FSTL5: variants seen among roughly 807,000 people sequenced by gnomAD.
FSTL5 encodes follistatin-related protein 5.
A neutral mutation model predicts 89.1 loss-of-function variants in FSTL5; 62 were observed. That is an observed-to-expected ratio of 0.70 (90% CI 0.57 to 0.86). The LOEUF (loss-of-function observed/expected upper bound fraction) is 0.86, where lower values mean the gene tolerates loss of function less well. Among genes scored for constraint, FSTL5 ranks in the 40% least tolerant of loss-of-function variants. FSTL5 has a pLI of 0.00. For missense variants in FSTL5, 1,057 were observed against 1,001.6 expected, an observed-to-expected ratio of 1.06 and a Z score of -0.75; for synonymous variants, 383 against 346.2, an observed-to-expected ratio of 1.11 and a Z score of -1.18.
chr4:161,675,552 T>A (rs993653357), intron 6 of FSTL5, among the ~76,000 whole-genome samples: 3 of 130,174 alleles, frequency 2.3e-5, no homozygotes, highest in African/African-American at 8.3e-5. Context: ...TCAGTAATTT[T>A]AAAAAACAGA....
intron 7 of FSTL5, among the ~76,000 whole-genome samples, chr4:161,621,109 A>G (rs187305432): frequency 1.3e-5 from 2 of 152,308 alleles, no homozygotes; most frequent in African/African-American, 2.4e-5. Flanking sequence ...GACATTCACA[A>G]GATGTACCGT....
At chr4:161,621,287 C>T (rs1735112604) in intron 7 of FSTL5, among the ~76,000 whole-genome samples, 1 of 151,630 alleles carries the variant, frequency 6.6e-6, no homozygotes, top group Non-Finnish European at 1.5e-5. Flanking sequence ...CACACACACA[C>T]ACACACACAC....
At chr4:161,992,946 G>A (rs564353385) in intron 3 of FSTL5, among the ~76,000 whole-genome samples, 1,508 of 6,216 alleles carry the variant, frequency 0.24, 53 homozygotes, top group Non-Finnish European at 0.43. Context: ...ATATATGTGT[G>A]TATATCTATA....
intron 6 of FSTL5, among the ~76,000 whole-genome samples, chr4:161,707,308 G>C (rs967447497): frequency 1.3e-5 from 2 of 151,700 alleles, no homozygotes; most frequent in African/African-American, 4.8e-5. Flanking sequence ...TCCTATTATA[G>C]AAACAAGATA....
At chr4:161,902,107 T>C (rs544441235) in intron 4 of FSTL5, among the ~76,000 whole-genome samples, 1 of 152,326 alleles carries the variant, frequency 6.6e-6, no homozygotes, top group African/African-American at 2.4e-5. Context: ...CTTAAAATAC[T>C]TACCAACTTT....
intron 1 of FSTL5, among the ~76,000 whole-genome samples, chr4:162,141,720 A>G (rs559408139): frequency 2.6e-5 from 4 of 152,244 alleles, no homozygotes; most frequent in South Asian, 2.1e-4. Flanking sequence ...TCAGATTGTG[A>G]TACTTATGTT....
At position 161,603,706 on chromosome 4, in the gene FSTL5, A is replaced by G. The variant is rs1449286002; in HGVS notation, c.895-16131T>C. Among the ~76,000 whole-genome samples the G allele has an allele frequency of 8.5e-5, 13 of 152,088 alleles. 1 individual carries two copies. Among genetic ancestry groups the G allele is most frequent in the Admixed American group, 7.9e-4 (12 of 15,264 alleles). ...ATTGCACTTAAATTGTGTAATATAC[A>G]TGACATGGATGAGAGCAGAGAATCC... On this transcript the variant is annotated intron_variant, in intron 7 of 15. Coordinates refer to ENST00000306100, the MANE Select transcript of FSTL5 (RefSeq NM_020116.5).
At chr4:161,701,921 C>T (rs1340451754) in intron 6 of FSTL5, among the ~76,000 whole-genome samples, 1 of 151,954 alleles carries the variant, frequency 6.6e-6, no homozygotes, top group African/African-American at 2.4e-5. Flanking sequence ...CCATGTATTA[C>T]CTACATACAA....
intron 6 of FSTL5, among the ~76,000 whole-genome samples, chr4:161,695,906 G>A (rs1288434902): frequency 3.3e-5 from 5 of 151,992 alleles, no homozygotes; most frequent in East Asian, 1.9e-4. Flanking sequence ...CCATCCTGTG[G>A]GTTGTCTGTT....
In FSTL5 at chr4:161,979,507, C is replaced by A. The variant is rs142454085; in HGVS notation, c.160+54118G>T. Among the ~76,000 whole-genome samples, 1,027 of 152,088 alleles carry A rather than the reference C, an allele frequency of 6.8e-3. 19 individuals are homozygous for A. The highest frequency in any genetic ancestry group is 0.023 in the African/African-American group (960 of 41,490). On this transcript the variant is annotated intron_variant, in intron 3 of 15. Transcript: ENST00000306100. Reference sequence around the variant, plus strand: ...TATTAGCTTGTCTTAAAAACAAAATCTTCCTCCCCCTTTCCTTTCTGTCTC... The same window carrying A: ...TATTAGCTTGTCTTAAAAACAAAATATTCCTCCCCCTTTCCTTTCTGTCTC...
chr4:161,459,094 G>T, intron 14 of FSTL5, 118 bp downstream of exon 14: 3 of 692,318 alleles, frequency 4.3e-6, no homozygotes, highest in Non-Finnish European at 4.8e-6. Context: ...ATCTAGTTAT[G>T]ATTAAAGCTG....
At chr4:161,474,944 C>T (rs1282296845) in intron 13 of FSTL5, among the ~76,000 whole-genome samples, 3 of 151,830 alleles carry the variant, frequency 2.0e-5, no homozygotes, top group African/African-American at 7.3e-5. Context: ...CAAGCAAACT[C>T]AGCTATTGTG....
chr4:161,511,486 G>A (rs1276694593), intron 10 of FSTL5, among the ~76,000 whole-genome samples: 1 of 152,060 alleles, frequency 6.6e-6, no homozygotes, highest in Non-Finnish European at 1.5e-5. Flanking sequence ...TTATGCTGTT[G>A]TTCTTGTGCC....
intron 4 of FSTL5, among the ~76,000 whole-genome samples, chr4:161,835,189 C>A (rs1342748738): frequency 2.3e-4 from 35 of 151,142 alleles, no homozygotes; most frequent in Middle Eastern, 3.4e-3. Flanking sequence ...CCTGAGAAAA[C>A]CAAGAAATGG....
chr4:161,543,505 A>AC (rs895640206), intron 8 of FSTL5, among the ~76,000 whole-genome samples: 3 of 151,704 alleles, frequency 2.0e-5, no homozygotes, highest in African/African-American at 7.3e-5. Flanking sequence ...ATTACAGGAG[A>AC]CCCCCAAGTG....
At chr4:161,812,511 AAG>A (rs948044680) in intron 4 of FSTL5, among the ~76,000 whole-genome samples, 31 of 29,774 alleles carry the variant, frequency 1.0e-3, no homozygotes, top group Admixed American at 3.4e-3. Flanking sequence ...ATCTGTAGTT[AAG>A]AAAAACACAC....
In FSTL5 at chr4:161,506,264, G is replaced by GT. The variant is rs577820020; in HGVS notation, c.1339+4133dup. The stretch of plus-strand genomic sequence containing the variant: ...TTTTTTTAATTTTTTGTAGAGACAG[G>GT]TTTTTGCTATATTGCCTAGGCTGTT... On this transcript the variant is annotated intron_variant, in intron 11 of 15. Transcript: ENST00000306100. Among the ~76,000 whole-genome samples the GT allele has an allele frequency of 6.9e-4, 104 of 151,494 alleles. 2 individuals are homozygous for GT. In the South Asian group the frequency reaches 0.017, roughly 24 times the overall value.
chr4:161,798,887 A>G (rs925012827), intron 4 of FSTL5, among the ~76,000 whole-genome samples: 1 of 151,746 alleles, frequency 6.6e-6, no homozygotes, highest in Admixed American at 6.6e-5. Flanking sequence ...GTGAAATGGG[A>G]AGAAAAGTGG....
intron 4 of FSTL5, among the ~76,000 whole-genome samples, chr4:161,902,304 T>C (rs1034637539): frequency 2.0e-5 from 3 of 152,290 alleles, no homozygotes; most frequent in African/African-American, 7.2e-5. Flanking sequence ...ACTGACATGA[T>C]TTTAAGTAGT....
Sources: gnomAD v4.1 joint callset for allele counts (sites outside exome capture counted in the v4.1 genomes callset) on GRCh38, gnomAD v4.1.1 for gene constraint, MANE v1.5 for transcripts, NCBI Gene and HGNC (gene_info 2026-07-23, HGNC 2026-07-21) for gene names.